The following PARP4 variants were observed in gnomAD, a reference collection of about 807,000 sequenced individuals.
PARP4 encodes poly(ADP-ribose) polymerase family member 4, also known as protein mono-ADP-ribosyltransferase PARP4.
A neutral mutation model predicts 187.7 loss-of-function variants in PARP4; 120 were observed. The observed-to-expected ratio is 0.64, with a 90% CI of 0.55 to 0.74. The LOEUF is 0.74. PARP4 is among the 30% of genes least tolerant of loss of function. The pLI, the probability that PARP4 is intolerant of heterozygous loss-of-function variation, is 0.00. For missense variants in PARP4, 1,836 were observed against 2,070.5 expected (o/e 0.89, Z 2.20); for synonymous variants, 654 against 740.9 (o/e 0.88, Z 1.90).
rs139965809 is a variant in PARP4 at position 24,494,879 on chromosome 13, C to CTTTTTTTTTT, written c.592-167_592-158dup. ...TTTAAATTCTTTTTCTTTTCTTTTTCTTTTTTTTTTGAGACAGGGTCTTGC... is the reference window on the plus strand; with the variant it reads ...TTTAAATTCTTTTTCTTTTCTTTTTCTTTTTTTTTTTTTTTTTTTTGAGACAGGGTCTTGC... On this transcript the variant is annotated intron_variant, in intron 6 of 33. Transcript: ENST00000381989. Among the ~76,000 whole-genome samples the CTTTTTTTTTT allele has an allele frequency of 1.3e-3, 187 of 146,606 alleles. 3 individuals carry two copies. The highest frequency in any genetic ancestry group is 4.5e-3 in the African/African-American group (179 of 39,806).
At chr13:24,449,682 A>C (rs765607038) in intron 25 of PARP4, 36 bp downstream of exon 25, 2 of 1,117,088 alleles carry the variant, frequency 1.8e-6, no homozygotes, top group Non-Finnish European at 2.7e-6. Context: ...GAGATTTCCA[A>C]ACATAAATAT....
chr13:24,482,245 AG>A (rs1462327901), intron 12 of PARP4, among the ~76,000 whole-genome samples: 9 of 152,248 alleles, frequency 5.9e-5, no homozygotes, highest in African/African-American at 1.9e-4. Context: ...TGGTTTCTTG[AG>A]ATGGAATCCA....
At chr13:24,479,257 C>G (rs1304445116) in intron 12 of PARP4, among the ~76,000 whole-genome samples, 2 of 151,500 alleles carry the variant, frequency 1.3e-5, no homozygotes, top group Non-Finnish European at 2.9e-5. Context: ...GTTTCACCTA[C>G]TGAAAAAAAA....
At chr13:24,471,379 G>T (rs9551107) in intron 15 of PARP4, among the ~76,000 whole-genome samples, 77,394 of 151,970 alleles carry the variant, frequency 0.51, 20,029 homozygotes, top group South Asian at 0.65. Context: ...CACTCTCTTT[G>T]CATATCACAC....
intron 33 of PARP4, among the ~76,000 whole-genome samples, chr13:24,424,278 G>A (rs1593579732): frequency 6.6e-6 from 1 of 151,994 alleles, no homozygotes; most frequent in Non-Finnish European, 1.5e-5. Context: ...GGTTTTGTTT[G>A]TATCAGGACC....
At chr13:24,440,334 G>T (rs1419774671) in intron 30 of PARP4, among the ~76,000 whole-genome samples, 1 of 149,706 alleles carries the variant, frequency 6.7e-6, no homozygotes, top group Non-Finnish European at 1.5e-5. Flanking sequence ...GGAGGTAGAG[G>T]TTGCAGTGAA....
chr13:24,495,119 C>T (rs1469742004), intron 6 of PARP4, among the ~76,000 whole-genome samples: 1 of 152,142 alleles, frequency 6.6e-6, no homozygotes, highest in African/African-American at 2.4e-5. Context: ...AATCCACCCA[C>T]CTCGGCCTCC....
intron 10 of PARP4, among the ~76,000 whole-genome samples, chr13:24,489,327 T>C (rs1018303799): frequency 3.9e-5 from 6 of 152,118 alleles, no homozygotes; most frequent in African/African-American, 1.2e-4. Flanking sequence ...AGAAATCATA[T>C]GGCTGGGCGT....
At chr13:24,476,260 T>C (rs1872980339) in intron 14 of PARP4, among the ~76,000 whole-genome samples, 2 of 152,034 alleles carry the variant, frequency 1.3e-5, no homozygotes, top group Non-Finnish European at 2.9e-5. Context: ...ACTACAGACA[T>C]GTGCTCTTCT....
At chr13:24,441,764 G>C in intron 30 of PARP4, 82 bp downstream of exon 30, 1 of 1,260,354 alleles carries the variant, frequency 7.9e-7, no homozygotes, top group Non-Finnish European at 1.1e-6. Flanking sequence ...GGTAAGAAGG[G>C]AGCTATTTTA....
rs1309315889 is a variant in PARP4 at position 24,491,546 on chromosome 13, C to T, written c.1054-718G>A. Among the ~76,000 whole-genome samples the T allele has an allele frequency of 3.9e-5, 6 of 152,174 alleles. No homozygotes were observed. In the South Asian group the frequency reaches 6.2e-4, roughly 16 times the overall value. Reference sequence around the variant, plus strand: ...GATTCCTCTGGGAATCTGTTGAAAGCGATTATTTCCCAAACATGCAAAATT... The same window carrying T: ...GATTCCTCTGGGAATCTGTTGAAAGTGATTATTTCCCAAACATGCAAAATT... On this transcript the variant is annotated intron_variant, in intron 9 of 33. Coordinates refer to ENST00000381989, the MANE Select transcript of PARP4 (RefSeq NM_006437.4).
intron 1 of PARP4, among the ~76,000 whole-genome samples, chr13:24,506,373 A>C (rs1869677033): frequency 6.6e-6 from 1 of 152,120 alleles, no homozygotes. Context: ...GGAGTGAAAA[A>C]CAAAGCTTCC....
intron 9 of PARP4, among the ~76,000 whole-genome samples, chr13:24,491,610 C>T (rs1288907928): frequency 3.3e-5 from 5 of 152,204 alleles, no homozygotes; most frequent in Admixed American, 3.3e-4. Context: ...GGACACAAAT[C>T]TCTGATCTTG....
chr13:24,457,921 G>A (rs575351290), intron 20 of PARP4, among the ~76,000 whole-genome samples: 21 of 151,968 alleles, frequency 1.4e-4, no homozygotes, highest in African/African-American at 5.1e-4. Flanking sequence ...ATACTGTTAT[G>A]AAATTTCAGA....
chr13:24,478,257 G>C lies in PARP4; in HGVS notation c.1468C>G (p.His490Asp). 3 of 1,609,562 alleles carry C rather than the reference G, an allele frequency of 1.9e-6. No homozygotes were observed. Among genetic ancestry groups the C allele is most frequent in the Non-Finnish European group, 1.7e-6 (2 of 1,177,238 alleles). Residue 490 changes from histidine (H) to aspartate (D), a missense_variant, in exon 13 of 34, where the codon CAC becomes GAC. His to Asp is a moderately conservative substitution (Grantham distance 81). Coordinates refer to ENST00000381989, the MANE Select transcript of PARP4 (RefSeq NM_006437.4). ...DSLSTSIKYS[H>D]PGETDGTRLL... is the part of the protein sequence containing the mutation. ...CTGGTGCCATCTGTCTCTCCCGGGTGTGAGTACTTGATACTTGTACTACAT... is the reference window on the plus strand; with the variant it reads ...CTGGTGCCATCTGTCTCTCCCGGGTCTGAGTACTTGATACTTGTACTACAT...
chr13:24,502,197 T>G (rs555044011), intron 2 of PARP4, among the ~76,000 whole-genome samples: 1 of 151,852 alleles, frequency 6.6e-6, no homozygotes, highest in East Asian at 1.9e-4. Flanking sequence ...TTATTTTGAT[T>G]TGTAATTTTA....
chr13:24,453,782 T>A, intron 22 of PARP4, 128 bp from the exon 23 acceptor site: 1 of 614,740 alleles, frequency 1.6e-6, no homozygotes, highest in South Asian at 2.0e-5. Flanking sequence ...GTGTGTACCT[T>A]TCTTTTTAGA....
intron 1 of PARP4, among the ~76,000 whole-genome samples, chr13:24,505,971 G>A (rs1020648325): frequency 1.3e-5 from 2 of 152,212 alleles, no homozygotes; most frequent in Non-Finnish European, 2.9e-5. Flanking sequence ...ATTGGGCTCC[G>A]CCATTTCCCC....
At chr13:24,451,061 C>A (rs1871491697) in intron 24 of PARP4, among the ~76,000 whole-genome samples, 1 of 152,102 alleles carries the variant, frequency 6.6e-6, no homozygotes, top group Non-Finnish European at 1.5e-5. Flanking sequence ...CCCTTGATTT[C>A]CTCCCTGGCA....
Sources: allele counts gnomAD v4.1 joint callset (sites outside exome capture counted in the v4.1 genomes callset), GRCh38; gene constraint gnomAD v4.1.1; transcripts MANE v1.5; gene names NCBI Gene and HGNC (gene_info 2026-07-23, HGNC 2026-07-21).